Variants in TRAPPC9 observed in about 807,000 individuals in gnomAD.
TRAPPC9 encodes the protein IKK2 binding protein.
A neutral mutation model predicts 124.0 loss-of-function variants in TRAPPC9; 83 were observed. That is an observed-to-expected ratio of 0.67 (90% CI 0.56 to 0.80). The LOEUF is 0.80. TRAPPC9 is among the 30% of genes least tolerant of loss of function. The pLI is 0.00. For synonymous variants in TRAPPC9, 638 were observed against 617.5 expected, an observed-to-expected ratio of 1.03 and a Z score of -0.49; for missense variants, 1,302 against 1,508.3, an observed-to-expected ratio of 0.86 and a Z score of 2.27.
chr8:140,198,833 G>A (rs145159355), intron 17 of TRAPPC9, among the ~76,000 whole-genome samples: 1 of 152,112 alleles, frequency 6.6e-6, no homozygotes, highest in African/African-American at 2.4e-5. Flanking sequence ...TCTCTCCTCT[G>A]GTAGTCTGAG....
chr8:140,124,477 A>G (rs1015233664), intron 17 of TRAPPC9, among the ~76,000 whole-genome samples: 3 of 152,234 alleles, frequency 2.0e-5, no homozygotes, highest in African/African-American at 7.2e-5. Flanking sequence ...ACTTCATCAC[A>G]TCAGCAAAGT....
Position 139,907,893 on chromosome 8 carries a change from G to A in TRAPPC9, c.2964+2254C>T, listed in dbSNP as rs537429096. Among the ~76,000 whole-genome samples, 12 of 152,312 alleles carry A rather than the reference G, an allele frequency of 7.9e-5. No homozygotes were observed. Among genetic ancestry groups the A allele is most frequent in the South Asian group, 6.2e-4 (3 of 4,820 alleles). ...GACTGCAGGCTGGCAGACAAGCTAC[G>A]GGGTGCAGGAACTGGCCACGCCACT... On this transcript the variant is annotated intron_variant, in intron 20 of 22. Transcript: ENST00000438773. This position sits in a 1 kb window ranked among gnomAD's most constrained non-coding sequence, Gnocchi z 4.7.
intron 17 of TRAPPC9, among the ~76,000 whole-genome samples, chr8:140,107,490 G>A (rs1360139440): frequency 6.6e-6 from 1 of 152,220 alleles, no homozygotes; most frequent in East Asian, 1.9e-4. Flanking sequence ...CATTGTAAGA[G>A]AACCGAAGGA....
chr8:140,376,846 C>T (rs1368650842), intron 7 of TRAPPC9, among the ~76,000 whole-genome samples: 1 of 141,020 alleles, frequency 7.1e-6, no homozygotes, highest in Admixed American at 7.4e-5. Flanking sequence ...CACTGCACTT[C>T]AGCACAACAA....
At chr8:139,772,593 A>G (rs1821047045) in intron 21 of TRAPPC9, among the ~76,000 whole-genome samples, 1 of 152,176 alleles carries the variant, frequency 6.6e-6, no homozygotes, top group African/African-American at 2.4e-5. Context: ...TAAAATTCCC[A>G]GGGCCACAGC....
At chr8:140,127,802 C>T (rs1000467271) in intron 17 of TRAPPC9, among the ~76,000 whole-genome samples, 2 of 152,336 alleles carry the variant, frequency 1.3e-5, no homozygotes, top group African/African-American at 4.8e-5. Context: ...AACCATGACA[C>T]TAAAAGTCTC....
chr8:139,793,976 G>A lies in TRAPPC9; in HGVS notation c.3056-61774C>T, dbSNP rs73725009. On this transcript the variant is annotated intron_variant, in intron 21 of 22. Transcript: ENST00000438773. Reference sequence around the variant, plus strand: ...CACTGGCCACAGCACCTCCCGACACGGCCTCTGCATGCTTGGGGCTTCAGC... The same window carrying A: ...CACTGGCCACAGCACCTCCCGACACAGCCTCTGCATGCTTGGGGCTTCAGC... Among the ~76,000 whole-genome samples, 1,400 of 152,080 alleles carry A rather than the reference G, an allele frequency of 9.2e-3. 24 individuals carry two copies. Among genetic ancestry groups the A allele is most frequent in the African/African-American group, 0.032 (1,331 of 41,498 alleles).
intron 19 of TRAPPC9, among the ~76,000 whole-genome samples, chr8:139,925,827 GCACACA>G (rs56794885): frequency 2.6e-3 from 176 of 68,756 alleles, no homozygotes; most frequent in Non-Finnish European, 3.5e-3. Flanking sequence ...ACACGCACAC[GCACACA>G]CACACACACA....
At chr8:140,009,788 C>T (rs920180339) in intron 18 of TRAPPC9, among the ~76,000 whole-genome samples, 5 of 152,232 alleles carry the variant, frequency 3.3e-5, no homozygotes, top group Admixed American at 2.6e-4. Flanking sequence ...ACACAACCTG[C>T]TACATTTATG....
intron 19 of TRAPPC9, chr8:139,932,254 C>T (rs1306307080): frequency 1.1e-5 from 5 of 450,562 alleles, no homozygotes; most frequent in African/African-American, 2.0e-5. Flanking sequence ...GAGGGAGTCC[C>T]GCACCACGGG....
rs568039297 is a variant in TRAPPC9 at position 140,144,861 on chromosome 8, G to A, written c.2556+76598C>T. On this transcript the variant is annotated intron_variant, in intron 17 of 22. Coordinates refer to ENST00000438773, the MANE Select transcript of TRAPPC9 (RefSeq NM_001160372.4). ...AATTTATGTTGAATAGAGGAAACCTGTTGAACTCTTTCTCTGTCTTTTTTT... is the reference window on the plus strand; with the variant it reads ...AATTTATGTTGAATAGAGGAAACCTATTGAACTCTTTCTCTGTCTTTTTTT... Among the ~76,000 whole-genome samples, 7 of 151,906 alleles carry A rather than the reference G, an allele frequency of 4.6e-5. No individual in the cohort carries two copies. The East Asian group carries it at 1.4e-3, about 30-fold the overall frequency.
chr8:140,024,663 C>CTGGGATGACAGGCATG (rs1840020871), intron 17 of TRAPPC9, among the ~76,000 whole-genome samples: 2 of 152,042 alleles, frequency 1.3e-5, no homozygotes, highest in Non-Finnish European at 2.9e-5. Context: ...TCCCAAGGTG[C>CTGGGATGACAGGCATG]TGGGATGACA....
chr8:140,282,671 T>C (rs961448342), intron 14 of TRAPPC9, among the ~76,000 whole-genome samples: 3 of 152,186 alleles, frequency 2.0e-5, no homozygotes, highest in African/African-American at 4.8e-5. Flanking sequence ...GCAATTAAAA[T>C]TGAATTTTCT....
At chr8:140,192,534 G>C (rs149220379) in intron 17 of TRAPPC9, among the ~76,000 whole-genome samples, 133 of 152,318 alleles carry the variant, frequency 8.7e-4, no homozygotes, top group African/African-American at 3.0e-3. Context: ...GGAGGAGCAA[G>C]CTGCCCGCCC....
At chr8:139,805,894 A>G (rs2130715136) in intron 21 of TRAPPC9, among the ~76,000 whole-genome samples, 1 of 152,354 alleles carries the variant, frequency 6.6e-6, no homozygotes, top group East Asian at 1.9e-4. Flanking sequence ...AAGTGTCTCA[A>G]TGTATAAAAG....
At chr8:139,986,864 C>T (rs1259340698) in intron 19 of TRAPPC9, among the ~76,000 whole-genome samples, 3 of 152,210 alleles carry the variant, frequency 2.0e-5, no homozygotes, top group East Asian at 3.8e-4. Flanking sequence ...CCTGATCAAA[C>T]CCTGTTCCAA....
At chr8:140,036,484 CG>C (rs1427887531) in intron 17 of TRAPPC9, among the ~76,000 whole-genome samples, 4 of 135,518 alleles carry the variant, frequency 3.0e-5, no homozygotes, top group African/African-American at 1.4e-4. Flanking sequence ...GATTCTTGAC[CG>C]AAAAAAAATG....
chr8:140,371,551 A>T lies in TRAPPC9; in HGVS notation c.1135-371T>A, dbSNP rs562567897. ...TCAAACACAAAAATTCTTAAAACACAAGAAGACACAGAATCATGTAACTGG... is the reference window on the plus strand; with the variant it reads ...TCAAACACAAAAATTCTTAAAACACTAGAAGACACAGAATCATGTAACTGG... On this transcript the variant is annotated intron_variant, in intron 7 of 22. Transcript: ENST00000438773. Among the ~76,000 whole-genome samples, 114 of 152,386 alleles carry T rather than the reference A, an allele frequency of 7.5e-4. 1 individual carries two copies. Among genetic ancestry groups the T allele is most frequent in the Non-Finnish European group, 1.2e-3 (83 of 68,042 alleles).
rs1298094358 is a variant in TRAPPC9, at chr8:140,063,654, CTT to C, written c.2557-39577_2557-39576del. 6.6e-6 allele frequency among the ~76,000 whole-genome samples: 1 copy of C among 152,158 alleles called. No individual in the cohort carries two copies. The highest frequency in any genetic ancestry group is 1.5e-5 in the Non-Finnish European group (1 of 68,038). ...GTCACACTATAAGATTTAGTGCATA[CTT>C]TTTTCCATAAAAGAATTATTTCGGC... On this transcript the variant is annotated intron_variant, in intron 17 of 22. Coordinates refer to ENST00000438773, the MANE Select transcript of TRAPPC9 (RefSeq NM_001160372.4). The surrounding 1 kb of genome is among the most constrained non-coding windows in gnomAD (Gnocchi z 4.3).
Sources: gnomAD v4.1 joint callset for allele counts (sites outside exome capture counted in the v4.1 genomes callset) on GRCh38, gnomAD v4.1.1 for gene constraint, Gnocchi (gnomAD v3.1) non-coding constraint, MANE v1.5 for transcripts, NCBI Gene and HGNC (gene_info 2026-07-23, HGNC 2026-07-21) for gene names.